Variants in CSNK1G3 observed in about 807,000 individuals in gnomAD.
CSNK1G3 encodes casein kinase 1 gamma 3.
CSNK1G3 carries 23 observed loss-of-function variants against 64.3 expected under a neutral mutation model. That is an observed-to-expected ratio of 0.36 (90% CI 0.26 to 0.51). The LOEUF (loss-of-function observed/expected upper bound fraction) is 0.51, where lower values mean the gene tolerates loss of function less well. CSNK1G3 is among the 20% of genes least tolerant of loss of function. The probability of loss-of-function intolerance (pLI) is 0.96; values close to 1 mark genes in which losing one functional copy is unlikely to be tolerated. For missense variants in CSNK1G3, 357 were observed against 510.5 expected, an observed-to-expected ratio of 0.70 and a Z score of 2.90; for synonymous variants, 158 against 162.2, an observed-to-expected ratio of 0.97 and a Z score of 0.20.
intron 3 of CSNK1G3, among the ~76,000 whole-genome samples, chr5:123,553,742 T>C (rs150636607): frequency 1.4e-4 from 22 of 152,306 alleles, no homozygotes; most frequent in East Asian, 1.2e-3. Context: ...TTTGGAAAAA[T>C]TGGGATCTAG....
intron 1 of CSNK1G3, among the ~76,000 whole-genome samples, chr5:123,514,888 G>T (rs1416928054): frequency 6.6e-6 from 1 of 152,150 alleles, no homozygotes; most frequent in African/African-American, 2.4e-5. Context: ...ATTTAAAGAT[G>T]AGTCAGTTTG....
At chr5:123,563,676 G>A (rs1224539588) in intron 4 of CSNK1G3, among the ~76,000 whole-genome samples, 1 of 151,988 alleles carries the variant, frequency 6.6e-6, no homozygotes, top group African/African-American at 2.4e-5. Flanking sequence ...CCATTCAGTA[G>A]TATCTAAAAC....
chr5:123,545,835 C>A, exon 2 of CSNK1G3: 1 of 1,611,680 alleles, frequency 6.2e-7, no homozygotes, highest in Admixed American at 1.7e-5. Context: ...TGGAGAATTA[C>A]GATTAGGTAA....
At chr5:123,561,637 GT>G (rs918651733) in intron 4 of CSNK1G3, among the ~76,000 whole-genome samples, 2 of 152,132 alleles carry the variant, frequency 1.3e-5, no homozygotes, top group African/African-American at 2.4e-5. Context: ...TACTATTTGT[GT>G]AAAGACAACT....
intron 2 of CSNK1G3, among the ~76,000 whole-genome samples, chr5:123,550,860 T>C (rs764151211): frequency 6.6e-6 from 1 of 152,228 alleles, no homozygotes; most frequent in Non-Finnish European, 1.5e-5. Flanking sequence ...GCTGTGGCTA[T>C]GCTAGGTGAC....
rs753989505 is a variant in CSNK1G3 at position 123,614,432 on chromosome 5, A to T, written c.*36A>T. 3 of 1,581,352 alleles carry T rather than the reference A, an allele frequency of 1.9e-6. No individual in the cohort carries two copies. In the East Asian group the frequency reaches 6.8e-5, roughly 36 times the overall value. On this transcript the variant is annotated 3_prime_UTR_variant, in exon 13 of 13. Coordinates refer to ENST00000345990, the Ensembl canonical transcript of CSNK1G3. ...AGACAGATCCTGGGGAGTTACTTAC[A>T]TGTTCATCTGCTGTCTTGTGATTAA... is the stretch of plus-strand genomic sequence containing the variant.
chr5:123,520,506 T>G (rs1321142753), intron 1 of CSNK1G3, among the ~76,000 whole-genome samples: 1 of 150,510 alleles, frequency 6.6e-6, no homozygotes, highest in African/African-American at 2.4e-5. Flanking sequence ...GGGGGTAGAA[T>G]CTTGGGGTGG....
intron 3 of CSNK1G3, among the ~76,000 whole-genome samples, chr5:123,553,607 G>T (rs542830178): frequency 5.8e-4 from 89 of 152,288 alleles, no homozygotes; most frequent in African/African-American, 2.0e-3. Flanking sequence ...GCTATTGCTT[G>T]ACTTTGAGGG....
At chr5:123,522,129 T>G (rs1419504256) in intron 1 of CSNK1G3, among the ~76,000 whole-genome samples, 2 of 152,148 alleles carry the variant, frequency 1.3e-5, no homozygotes, top group African/African-American at 4.8e-5. Context: ...AAAGAAAATA[T>G]TAGCAAGAGA....
At chr5:123,558,927 C>T (rs1046561203) in intron 4 of CSNK1G3, among the ~76,000 whole-genome samples, 7 of 152,160 alleles carry the variant, frequency 4.6e-5, no homozygotes, top group Non-Finnish European at 1.0e-4. Flanking sequence ...ATACTGTCAT[C>T]AACATGTCAA....
At chr5:123,604,645 T>C (rs994965284) in intron 10 of CSNK1G3, 79 bp from the exon 12 acceptor site, 5 of 678,662 alleles carry the variant, frequency 7.4e-6, no homozygotes, top group Non-Finnish European at 1.3e-5. Flanking sequence ...TATCCTTGTA[T>C]AACCTATTTA....
intron 1 of CSNK1G3, among the ~76,000 whole-genome samples, chr5:123,541,416 G>A (rs1581008474): frequency 6.6e-6 from 1 of 152,016 alleles, no homozygotes; most frequent in South Asian, 2.1e-4. Context: ...CAGTCTATCT[G>A]TATAGTTGTA....
At chr5:123,568,849 C>CT (rs1321418690) in intron 4 of CSNK1G3, among the ~76,000 whole-genome samples, 1 of 152,166 alleles carries the variant, frequency 6.6e-6, no homozygotes, top group African/African-American at 2.4e-5. Flanking sequence ...CTCAAATTTG[C>CT]TTTTTGTCTA....
intron 12 of CSNK1G3, among the ~76,000 whole-genome samples, chr5:123,606,209 G>T (rs1372403268): frequency 1.3e-5 from 2 of 151,900 alleles, no homozygotes; most frequent in African/African-American, 4.8e-5. Context: ...TTTGACTATA[G>T]AATTTATTGA....
intron 4 of CSNK1G3, among the ~76,000 whole-genome samples, chr5:123,559,386 A>G (rs1273393792): frequency 3.9e-5 from 6 of 152,332 alleles, no homozygotes; most frequent in African/African-American, 1.4e-4. Flanking sequence ...ACAAAGATGT[A>G]CTTTTATTAT....
chr5:123,578,401 C>T (rs1442910197), intron 6 of CSNK1G3, among the ~76,000 whole-genome samples: 1 of 151,764 alleles, frequency 6.6e-6, no homozygotes, highest in Non-Finnish European at 1.5e-5. Context: ...ATTATTGTTT[C>T]TGAGATCTGT....
At chr5:123,578,262 CT>C (rs1249165255) in intron 6 of CSNK1G3, among the ~76,000 whole-genome samples, 1 of 151,650 alleles carries the variant, frequency 6.6e-6, no homozygotes. Context: ...GTGTTCATAC[CT>C]TTTTTTATTT....
chr5:123,600,993 A>G (rs1265876071), intron 10 of CSNK1G3, among the ~76,000 whole-genome samples: 1 of 151,974 alleles, frequency 6.6e-6, no homozygotes, highest in African/African-American at 2.4e-5. Flanking sequence ...TTTAAGAACA[A>G]CAACAATCCT....
rs528676306 is a variant in CSNK1G3, at chr5:123,582,397, C to A, written c.674-5671C>A. On this transcript the variant is annotated intron_variant, in intron 6 of 12. Transcript: ENST00000345990. The stretch of plus-strand genomic sequence containing the variant: ...ACTTAATCTTTCTGAGCTTTACTTT[C>A]CTTATTTGGGATTACAAATAACTGT... 5.3e-5 allele frequency among the ~76,000 whole-genome samples: 8 copies of A among 152,126 alleles called. No individual in the cohort carries two copies. The South Asian group carries it at 1.2e-3, about 24-fold the overall frequency.
Sources: allele counts gnomAD v4.1 joint callset (sites outside exome capture counted in the v4.1 genomes callset), GRCh38; gene constraint gnomAD v4.1.1; transcripts MANE v1.5; gene names NCBI Gene and HGNC (gene_info 2026-07-23, HGNC 2026-07-21).